DAB1: variants seen among roughly 807,000 people sequenced by gnomAD.
DAB1 encodes the protein disabled homolog 1.
Under a neutral mutation model 64.6 loss-of-function variants are expected in DAB1, and 15 were observed. That is an observed-to-expected ratio of 0.23 (90% CI 0.16 to 0.36). The LOEUF is 0.36. DAB1 is among the 10% of genes least tolerant of loss of function. DAB1 has a pLI of 1.00. For missense variants in DAB1, 596 were observed against 706.7 expected, an observed-to-expected ratio of 0.84 and a Z score of 1.78; for synonymous variants, 235 against 251.9, an observed-to-expected ratio of 0.93 and a Z score of 0.64.
chr1:57,406,239 A>G (rs926631440), intron 1 of DAB1, among the ~76,000 whole-genome samples: 17 of 152,362 alleles, frequency 1.1e-4, no homozygotes, highest in African/African-American at 4.1e-4. Context: ...TACTTAATGC[A>G]TGAAAGACTC....
intron 5 of DAB1, among the ~76,000 whole-genome samples, chr1:57,920,139 G>A (rs1644787459): frequency 6.6e-6 from 1 of 152,164 alleles, no homozygotes; most frequent in Non-Finnish European, 1.5e-5. Flanking sequence ...GCTTAAGTTT[G>A]TAGAATTGTA....
chr1:57,391,789 A>ACC (rs1682387640), intron 1 of DAB1, among the ~76,000 whole-genome samples: 1 of 150,996 alleles, frequency 6.6e-6, no homozygotes, highest in South Asian at 2.1e-4. Flanking sequence ...ACACACACAC[A>ACC]CACACACACA....
At chr1:58,393,713 C>T (rs950721359) in intron 3 of DAB1, among the ~76,000 whole-genome samples, 1 of 152,050 alleles carries the variant, frequency 6.6e-6, no homozygotes, top group African/African-American at 2.4e-5. Context: ...ACACCACAGG[C>T]TGGAGCAGGG....
intron 7 of DAB1, among the ~76,000 whole-genome samples, chr1:57,547,567 C>CA (rs1644869665): frequency 6.6e-6 from 1 of 152,198 alleles, no homozygotes; most frequent in African/African-American, 2.4e-5. Flanking sequence ...GGTCTCACTT[C>CA]ATTCGAGTCT....
At chr1:57,181,782 C>T (rs1215818407) in intron 2 of DAB1, among the ~76,000 whole-genome samples, 1 of 152,198 alleles carries the variant, frequency 6.6e-6, no homozygotes. Context: ...AGCTAAGCCC[C>T]TTCCTAGCTG....
intron 2 of DAB1, among the ~76,000 whole-genome samples, chr1:57,199,414 G>A (rs1156234641): frequency 6.6e-6 from 1 of 152,216 alleles, no homozygotes; most frequent in African/African-American, 2.4e-5. Context: ...CTGGAGAGAA[G>A]CAGTGTTTTG....
In DAB1 at chr1:57,961,967, T is replaced by C. The variant is rs144029090; in HGVS notation, n.388-77805A>G. Among the ~76,000 whole-genome samples the C allele has an allele frequency of 9.8e-3, 1,291 of 131,486 alleles. 17 individuals carry two copies. Among genetic ancestry groups the C allele is most frequent in the African/African-American group, 0.031 (1,223 of 39,018 alleles). The allele number at this position is 131,486 out of a possible 152,430, so 86.3% of individuals were successfully genotyped here. A position where few individuals can be genotyped will look rare whatever the true frequency, so the allele number is the denominator to read the frequency against. On this transcript the variant is annotated intron_variant and non_coding_transcript_variant, in intron 5 of 20. Coordinates refer to the DAB1 transcript ENST00000485760. ...AGCCTGGGCAACAAGAGTGAAACTC[T>C]GTCTCAAAAAAAAAAAAAGCTGAGT...
intron 6 of DAB1, among the ~76,000 whole-genome samples, chr1:57,677,710 G>C (rs1396417751): frequency 1.3e-5 from 2 of 152,176 alleles, no homozygotes; most frequent in African/African-American, 4.8e-5. Context: ...AATTATTATA[G>C]AAATCAGAGG....
At chr1:58,247,538 G>A (rs185193304) in intron 4 of DAB1, among the ~76,000 whole-genome samples, 32 of 152,254 alleles carry the variant, frequency 2.1e-4, no homozygotes, top group Admixed American at 2.0e-3. Context: ...AACAGAGTTC[G>A]TGACTTTCTG....
chr1:57,153,350 T>C (rs749015066), intron 2 of DAB1, among the ~76,000 whole-genome samples: 25 of 152,182 alleles, frequency 1.6e-4, no homozygotes, highest in African/African-American at 5.8e-4. Flanking sequence ...TAAAGCTTAC[T>C]TTTTCTTAGA....
chr1:58,169,313 C>T (rs570890300), intron 4 of DAB1, among the ~76,000 whole-genome samples: 27 of 152,180 alleles, frequency 1.8e-4, no homozygotes, highest in Non-Finnish European at 2.1e-4. Context: ...ATGAGCACAA[C>T]TATTCCGATC....
At chr1:57,724,850 C>T (rs1486618238) in intron 6 of DAB1, among the ~76,000 whole-genome samples, 1 of 152,226 alleles carries the variant, frequency 6.6e-6, no homozygotes, top group African/African-American at 2.4e-5. Context: ...CTATCCCCCA[C>T]TCCTTAGTGC....
chr1:57,199,612 C>T lies in DAB1; in HGVS notation c.68-54183G>A, dbSNP rs549853318. On this transcript the variant is annotated intron_variant, in intron 2 of 14. Coordinates refer to ENST00000371236, the MANE Select transcript of DAB1 (RefSeq NM_001365792.1). ...AACAATTCTGACTACAGGGAAATCA[C>T]GGATCATCTGCAGGGAAATGAAGAT... 3.9e-5 allele frequency among the ~76,000 whole-genome samples: 6 copies of T among 152,314 alleles called. No homozygotes were observed. The South Asian group carries it at 6.2e-4, about 16-fold the overall frequency.
rs571350545 is a variant in DAB1, at chr1:57,164,196, T to A, written c.68-18767A>T. Among the ~76,000 whole-genome samples, 50 of 152,286 alleles carry A rather than the reference T, an allele frequency of 3.3e-4. No individual in the cohort carries two copies. In the South Asian group the frequency reaches 8.9e-3, roughly 27 times the overall value. ...AGTTCCTTTCCTTTCAGTTTAAATT[T>A]AGTGCCAAATTTCAGATTGAACTAT... On this transcript the variant is annotated intron_variant, in intron 2 of 14. Coordinates refer to ENST00000371236, the MANE Select transcript of DAB1 (RefSeq NM_001365792.1).
At chr1:57,263,383 GT>G (rs1396597504) in intron 2 of DAB1, among the ~76,000 whole-genome samples, 1 of 152,144 alleles carries the variant, frequency 6.6e-6, no homozygotes, top group Non-Finnish European at 1.5e-5. Flanking sequence ...GCCTCCCAAA[GT>G]GCTGGGATTA....
At chr1:57,990,539 G>C (rs560462148) in intron 5 of DAB1, among the ~76,000 whole-genome samples, 2 of 152,294 alleles carry the variant, frequency 1.3e-5, no homozygotes, top group South Asian at 4.2e-4. Flanking sequence ...CCACTGAAAG[G>C]CACCCAGTGT....
At chr1:57,721,864 T>G (rs567070732) in intron 6 of DAB1, among the ~76,000 whole-genome samples, 1 of 152,302 alleles carries the variant, frequency 6.6e-6, no homozygotes, top group South Asian at 2.1e-4. Flanking sequence ...AGTAGACTGT[T>G]AAGATCTGAA....
chr1:58,530,752 A>G (rs1409453050), intron 1 of DAB1: 2 of 867,888 alleles, frequency 2.3e-6, no homozygotes, highest in Non-Finnish European at 4.0e-6. Context: ...AAAATAATAA[A>G]AACTACATTT....
At chr1:57,392,405 A>G (rs34339837) in intron 1 of DAB1, among the ~76,000 whole-genome samples, 2,155 of 152,248 alleles carry the variant, frequency 0.014, 22 homozygotes, top group African/African-American at 0.022. Context: ...CAAAAAGCAT[A>G]TAACGAACAC....
Sources: allele counts gnomAD v4.1 joint callset (sites outside exome capture counted in the v4.1 genomes callset), GRCh38; gene constraint gnomAD v4.1.1; transcripts MANE v1.5; gene names NCBI Gene and HGNC (gene_info 2026-07-23, HGNC 2026-07-21).